FLT3: variants seen among roughly 807,000 people sequenced by gnomAD.
FLT3 encodes receptor-type tyrosine-protein kinase FLT3.
In FLT3, 46 loss-of-function variants were observed where a neutral mutation model predicts 126.6. That is an observed-to-expected ratio of 0.36 (90% CI 0.29 to 0.46). The LOEUF (loss-of-function observed/expected upper bound fraction) is 0.46. Ranked by LOEUF, FLT3 falls within the 20% of genes least tolerant of loss-of-function variation. FLT3 has a pLI of 1.00. For missense variants in FLT3, 1,069 were observed against 1,190.3 expected (o/e 0.90, Z 1.50); for synonymous variants, 404 against 434.4 (o/e 0.93, Z 0.87).
chr13:28,052,654 T>C lies in FLT3; in HGVS notation c.505A>G (p.Arg169Gly). 1.2e-6 allele frequency: 2 copies of C among 1,608,342 alleles called. No individual in the cohort carries two copies. The highest frequency in any genetic ancestry group is 1.7e-6 in the Non-Finnish European group (2 of 1,174,780). The change falls in exon 5 of 24, where the codon AGA becomes GGA. Residue 169 changes from arginine to glycine, a missense_variant. By Grantham distance (125) the Arg-to-Gly change is moderately radical. Transcript: ENST00000241453. ...SIRNTLLYTLRRPYFRKMENQ... is the reference protein window; with the variant it reads ...SIRNTLLYTLGRPYFRKMENQ... ...TCCATTTTTCTAAAGTAAGGTCTTC[T>C]TAATGTGTAAAGCAGGGTATCTAAA...
intron 4 of FLT3, among the ~76,000 whole-genome samples, chr13:28,056,398 C>G (rs1188369320): frequency 2.6e-5 from 4 of 152,160 alleles, no homozygotes; most frequent in Admixed American, 2.6e-4. Context: ...CAAGTTGTGT[C>G]AATGTGTCGG....
intron 1 of FLT3, among the ~76,000 whole-genome samples, chr13:28,082,978 T>C (rs1379794844): frequency 6.6e-6 from 1 of 151,360 alleles, no homozygotes; most frequent in East Asian, 1.9e-4. Flanking sequence ...AGTGCTGGGA[T>C]TACAGGCATG....
chr13:28,099,284 C>T (rs561503495), intron 1 of FLT3, among the ~76,000 whole-genome samples: 9 of 152,198 alleles, frequency 5.9e-5, no homozygotes, highest in East Asian at 1.9e-4. Flanking sequence ...TTTGTATTAA[C>T]GGAATCTGGA....
chr13:28,022,033 G>A (rs897653240), intron 19 of FLT3, among the ~76,000 whole-genome samples: 4 of 149,636 alleles, frequency 2.7e-5, no homozygotes, highest in East Asian at 4.2e-4. Context: ...TACCACGCCC[G>A]GCTGCCTATT....
Position 28,049,892 on chromosome 13 carries a change from T to C in FLT3, c.743-118A>G, listed in dbSNP as rs139528738. 15 of 1,192,088 alleles carry C rather than the reference T, an allele frequency of 1.3e-5. No homozygotes were observed. The African/African-American group carries it at 2.0e-4, about 16-fold the overall frequency. 73.8% of individuals were successfully genotyped at this position (1,192,088 alleles called of 1,614,324 possible). Reference sequence around the variant, plus strand: ...ATCATCTCAAATATTACTAACCACATTAATAAAAGAAGCTTTTAGAGACTG... The same window carrying C: ...ATCATCTCAAATATTACTAACCACACTAATAAAAGAAGCTTTTAGAGACTG... On this transcript the variant is annotated intron_variant, in intron 6 of 23. Coordinates refer to ENST00000241453, the MANE Select transcript of FLT3 (RefSeq NM_004119.3).
chr13:28,027,236 T>C lies in FLT3; in HGVS notation c.2059A>G (p.Ile687Val), dbSNP rs1057519765. Residue 687 changes from isoleucine to valine, a missense_variant, in exon 17 of 24, where the codon ATT becomes GTT. Ile to Val is a conservative substitution (Grantham distance 29, BLOSUM62 3). Coordinates refer to ENST00000241453, the MANE Select transcript of FLT3 (RefSeq NM_004119.3). Reference sequence around the variant, plus strand: ...CAACAGTATTCAAAAATCAAGTAAATTGGTCCTGAAATAGTTACAGTTTCA... The same window carrying C: ...CAACAGTATTCAAAAATCAAGTAAACTGGTCCTGAAATAGTTACAGTTTCA... ...LLGACTLSGP[I>V]YLIFEYCCYG... 6.2e-7 allele frequency: 1 copy of C among 1,609,832 alleles called. No individual in the cohort carries two copies. The highest frequency in any genetic ancestry group is 1.1e-5 in the South Asian group (1 of 90,180).
chr13:28,084,020 CT>C (rs1566104545), intron 1 of FLT3, among the ~76,000 whole-genome samples: 3 of 151,572 alleles, frequency 2.0e-5, no homozygotes, highest in Admixed American at 6.6e-5. Context: ...CTTTTGCTTA[CT>C]TTTTTTCTTT....
intron 23 of FLT3, among the ~76,000 whole-genome samples, chr13:28,010,105 C>T (rs1227566245): frequency 6.6e-6 from 1 of 152,178 alleles, no homozygotes; most frequent in Non-Finnish European, 1.5e-5. Context: ...TCCTTTTATG[C>T]TCTCTTTTTC....
At chr13:28,071,836 T>G (rs549993964) in intron 1 of FLT3, among the ~76,000 whole-genome samples, 1 of 152,034 alleles carries the variant, frequency 6.6e-6, no homozygotes, top group East Asian at 1.9e-4. Flanking sequence ...ATCATCTGCT[T>G]CTTCTTTTTA....
intron 15 of FLT3, among the ~76,000 whole-genome samples, chr13:28,031,014 CAGG>C (rs1873280319): frequency 6.6e-6 from 1 of 152,112 alleles, no homozygotes; most frequent in South Asian, 2.1e-4. Context: ...ATCACGAGGT[CAGG>C]AGATCAAGAC....
intron 1 of FLT3, among the ~76,000 whole-genome samples, chr13:28,084,771 T>C (rs956734036): frequency 8.6e-5 from 13 of 151,862 alleles, no homozygotes; most frequent in African/African-American, 1.4e-4. Flanking sequence ...GTCAGGAGAT[T>C]GAGACCATCC....
chr13:28,070,492 A>G lies in FLT3; in HGVS notation c.164T>C (p.Met55Thr). The G allele has an allele frequency of 1.2e-6, 2 of 1,608,466 alleles. No individual in the cohort carries two copies. Among genetic ancestry groups the G allele is most frequent in the South Asian group, 1.1e-5 (1 of 90,506 alleles). ...SSVGKSSSYP[M>T]VSESPEDLGC... ...GGTATAATTTTAATGTTACTTTACC[A>G]TGGGATATGATGATGACTTCCCCAC... The change falls in exon 2 of 24, where the codon ATG becomes ACG. Residue 55 changes from methionine (M) to threonine (T), a missense_variant and splice_region_variant. Physicochemically the swap from Met to Thr is moderately conservative, Grantham distance 81 (BLOSUM62 -1). Transcript: ENST00000241453.
At chr13:28,068,913 T>A (rs1200584679) in intron 2 of FLT3, among the ~76,000 whole-genome samples, 1 of 152,074 alleles carries the variant, frequency 6.6e-6, no homozygotes, top group Non-Finnish European at 1.5e-5. Context: ...CACTTAAGCT[T>A]CCCTTGAGTA....
In FLT3 at chr13:28,036,072, C is replaced by T. The variant is rs570309404; in HGVS notation, c.1310-29G>A. 13 of 1,576,498 alleles carry T rather than the reference C, an allele frequency of 8.2e-6. No individual in the cohort carries two copies. In the African/African-American group the frequency reaches 1.6e-4, roughly 20 times the overall value. ...TAGAAAAGAACGTGTGAAATAAGCT[C>T]ACTGGCTGGGCATAGTGGTTCACTC... On this transcript the variant is annotated intron_variant, in intron 10 of 23. Coordinates refer to ENST00000241453, the MANE Select transcript of FLT3 (RefSeq NM_004119.3).
chr13:28,089,738 C>T (rs1566107570), intron 1 of FLT3, among the ~76,000 whole-genome samples: 1 of 143,942 alleles, frequency 6.9e-6, no homozygotes, highest in Non-Finnish European at 1.5e-5. Context: ...CATGAGGGAA[C>T]TTTTTTTTTT....
chr13:28,025,974 C>T (rs1455166950), intron 17 of FLT3, among the ~76,000 whole-genome samples: 2 of 152,044 alleles, frequency 1.3e-5, no homozygotes, highest in Non-Finnish European at 2.9e-5. Context: ...CCCTAAAAAG[C>T]CCCTGGTAAA....
At chr13:28,044,501 A>G (rs752175046) in intron 9 of FLT3, among the ~76,000 whole-genome samples, 2 of 151,774 alleles carry the variant, frequency 1.3e-5, no homozygotes, top group Non-Finnish European at 2.9e-5. Flanking sequence ...ACCCCTGACT[A>G]TAATCTAGTC....
At chr13:28,031,619 G>A (rs1873357127) in intron 15 of FLT3, among the ~76,000 whole-genome samples, 1 of 152,198 alleles carries the variant, frequency 6.6e-6, no homozygotes. Context: ...TGTCTGTGGT[G>A]TGAGACAGAG....
At chr13:28,092,967 G>A (rs1470878327) in intron 1 of FLT3, among the ~76,000 whole-genome samples, 19 of 144,766 alleles carry the variant, frequency 1.3e-4, no homozygotes, top group Middle Eastern at 3.4e-3. Context: ...TGTCACCCAG[G>A]CTGGAGTACA....
Sources: allele counts gnomAD v4.1 joint callset (sites outside exome capture counted in the v4.1 genomes callset), GRCh38; gene constraint gnomAD v4.1.1; transcripts MANE v1.5; gene names NCBI Gene and HGNC (gene_info 2026-07-23, HGNC 2026-07-21).